The following PTPRT variants were observed in gnomAD, a reference collection of about 807,000 sequenced individuals.
PTPRT encodes the protein receptor-type tyrosine-protein phosphatase T.
Under a neutral mutation model 176.8 loss-of-function variants are expected in PTPRT, and 56 were observed. That is an observed-to-expected ratio of 0.32 (90% CI 0.26 to 0.40). The LOEUF (loss-of-function observed/expected upper bound fraction) is 0.40, where lower values mean the gene tolerates loss of function less well. PTPRT is among the 10% of genes least tolerant of loss of function. The pLI is 1.00. For synonymous variants in PTPRT, 783 were observed against 739.0 expected, an observed-to-expected ratio of 1.06 and a Z score of -0.96; for missense variants, 1,540 against 1,908.2, an observed-to-expected ratio of 0.81 and a Z score of 3.60.
At chr20:43,027,296 T>C (rs1985950888) in intron 1 of PTPRT, among the ~76,000 whole-genome samples, 1 of 152,020 alleles carries the variant, frequency 6.6e-6, no homozygotes, top group South Asian at 2.1e-4. Context: ...GCCAACATGG[T>C]GAAACCCTGT....
rs569927973 is a variant in PTPRT, at chr20:43,127,227, T to C, written c.88+62419A>G. Among the ~76,000 whole-genome samples, 588 of 151,974 alleles carry C rather than the reference T, an allele frequency of 3.9e-3. 3 individuals carry two copies. Among genetic ancestry groups the C allele is most frequent in the Non-Finnish European group, 5.5e-3 (374 of 67,940 alleles). On this transcript the variant is annotated intron_variant, in intron 1 of 30. Transcript: ENST00000373187. ...TCACAAGGTCAGGAGATGGAGACCA[T>C]CCTGGCTAACATGGTGAAACCCTAT...
At chr20:42,044,900 C>G in the PTPRT span, among the ~76,000 whole-genome samples, 1 of 152,144 alleles carries the variant, frequency 6.6e-6, no homozygotes, top group Non-Finnish European at 1.5e-5. Context: ...AGGGAAGAAT[C>G]CATTTCCTGG....
At chr20:42,620,286 C>T (rs1404376701) in intron 7 of PTPRT, among the ~76,000 whole-genome samples, 2 of 149,964 alleles carry the variant, frequency 1.3e-5, no homozygotes, top group Non-Finnish European at 3.0e-5. Context: ...CTTGAGGAGG[C>T]AGTCTGCCTA....
At chr20:43,161,329 A>G (rs1402888926) in intron 1 of PTPRT, among the ~76,000 whole-genome samples, 2 of 152,136 alleles carry the variant, frequency 1.3e-5, no homozygotes, top group Non-Finnish European at 1.5e-5. Flanking sequence ...GCAGACTTGA[A>G]GAACACAACA....
intron 16 of PTPRT, among the ~76,000 whole-genome samples, chr20:42,179,838 A>C (rs1990441183): frequency 6.6e-6 from 1 of 152,218 alleles, no homozygotes; most frequent in South Asian, 2.1e-4. Context: ...CCATGATGAT[A>C]GTATGGGTGA....
At chr20:42,683,467 G>A (rs983633254) in intron 6 of PTPRT, among the ~76,000 whole-genome samples, 4 of 152,178 alleles carry the variant, frequency 2.6e-5, no homozygotes, top group Non-Finnish European at 5.9e-5. Context: ...TAGTAGAGAC[G>A]TGGTTTCTCC....
chr20:42,140,868 T>A (rs1239793870), intron 18 of PTPRT, among the ~76,000 whole-genome samples: 1 of 152,152 alleles, frequency 6.6e-6, no homozygotes, highest in African/African-American at 2.4e-5. Context: ...AGAGTAATGG[T>A]GCCAGGCACT....
chr20:42,523,227 C>T (rs548574858), intron 7 of PTPRT, among the ~76,000 whole-genome samples: 4 of 152,154 alleles, frequency 2.6e-5, no homozygotes, highest in Admixed American at 6.5e-5. Flanking sequence ...GAAGCCCATA[C>T]GATGCCTTAT....
intron 11 of PTPRT, among the ~76,000 whole-genome samples, chr20:42,323,391 A>G (rs952853005): frequency 1.3e-5 from 2 of 152,184 alleles, no homozygotes; most frequent in Non-Finnish European, 2.9e-5. Flanking sequence ...CTGGATTAAG[A>G]AAATGTGGCA....
intron 9 of PTPRT, among the ~76,000 whole-genome samples, chr20:42,432,416 T>G (rs1433569525): frequency 2.6e-5 from 4 of 152,108 alleles, no homozygotes. Context: ...AAACGTAAAA[T>G]CCTAAGCTCC....
chr20:42,128,633 A>G, intron 19 of PTPRT, 121 bp downstream of exon 19: 3 of 788,378 alleles, frequency 3.8e-6, no homozygotes, highest in African/African-American at 1.8e-5. Flanking sequence ...CTAGTTCCAC[A>G]TATCAAGGAG....
At chr20:42,259,231 T>A (rs1474753461) in intron 13 of PTPRT, among the ~76,000 whole-genome samples, 1 of 152,058 alleles carries the variant, frequency 6.6e-6, no homozygotes, top group African/African-American at 2.4e-5. Context: ...TCAGTCATGT[T>A]ACACACACCA....
Position 43,052,001 on chromosome 20 carries a change from T to C in PTPRT, c.88+137645A>G, listed in dbSNP as rs370689702. On this transcript the variant is annotated intron_variant, in intron 1 of 30. Coordinates refer to ENST00000373187, the MANE Select transcript of PTPRT (RefSeq NM_007050.6). ...TTATATTTTAAAGAATAAATGTGAA[T>C]GAATGAAAAATTCCTGGAACTACTT... is the stretch of plus-strand genomic sequence containing the variant. Among the ~76,000 whole-genome samples, 25 of 152,352 alleles carry C rather than the reference T, an allele frequency of 1.6e-4. No individual in the cohort carries two copies. The East Asian group carries it at 3.7e-3, about 22-fold the overall frequency.
intron 11 of PTPRT, among the ~76,000 whole-genome samples, chr20:42,341,974 G>A (rs2058117998): frequency 6.6e-6 from 1 of 152,204 alleles, no homozygotes; most frequent in Non-Finnish European, 1.5e-5. Flanking sequence ...GGTAAGCTGA[G>A]TTGTTGGTGG....
chr20:42,410,543 G>C (rs1167534314), intron 9 of PTPRT, among the ~76,000 whole-genome samples: 2 of 151,922 alleles, frequency 1.3e-5, no homozygotes, highest in Admixed American at 6.6e-5. Flanking sequence ...ATTAAAATTA[G>C]AGAAAATCTG....
chr20:42,514,221 G>T (rs529836305), intron 7 of PTPRT, among the ~76,000 whole-genome samples: 1 of 152,212 alleles, frequency 6.6e-6, no homozygotes, highest in East Asian at 1.9e-4. Flanking sequence ...GCCTGAAGTG[G>T]CTTGACCAAT....
chr20:42,502,120 A>G (rs1480072788), intron 7 of PTPRT, among the ~76,000 whole-genome samples: 1 of 152,076 alleles, frequency 6.6e-6, no homozygotes, highest in Non-Finnish European at 1.5e-5. Context: ...TTTGAAAGTT[A>G]CATTTTTCAA....
chr20:42,373,334 T>G (rs1431023758), intron 9 of PTPRT, among the ~76,000 whole-genome samples: 3 of 152,136 alleles, frequency 2.0e-5, no homozygotes, highest in Non-Finnish European at 2.9e-5. Flanking sequence ...GAGGACAGAG[T>G]TGCAGAACTA....
intron 27 of PTPRT, 90 bp from the exon 28 acceptor site, chr20:42,085,943 T>C: frequency 7.2e-7 from 1 of 1,396,628 alleles, no homozygotes; most frequent in South Asian, 1.4e-5. Context: ...CTTTTCTTTT[T>C]TTCTTTTTCT....
Sources: allele counts gnomAD v4.1 joint callset (sites outside exome capture counted in the v4.1 genomes callset), GRCh38; gene constraint gnomAD v4.1.1; transcripts MANE v1.5; gene names NCBI Gene and HGNC (gene_info 2026-07-23, HGNC 2026-07-21).